ARHGAP44: variants seen among roughly 807,000 people sequenced by gnomAD.
The protein encoded by ARHGAP44 is rho GTPase-activating protein 44.
In ARHGAP44, 43 loss-of-function variants were observed where a neutral mutation model predicts 106.8. That is an observed-to-expected ratio of 0.40 (90% confidence interval 0.32 to 0.52). The LOEUF (loss-of-function observed/expected upper bound fraction) is 0.52, where lower values mean the gene tolerates loss of function less well. Ranked by LOEUF, ARHGAP44 falls within the 20% of genes least tolerant of loss-of-function variation. The pLI is 0.48. For missense variants in ARHGAP44, 866 were observed against 1,050.5 expected (o/e 0.82, Z 2.43); for synonymous variants, 439 against 410.3 (o/e 1.07, Z -0.85).
chr17:12,963,968 A>AT (rs570086813), intron 16 of ARHGAP44, among the ~76,000 whole-genome samples: 4 of 152,120 alleles, frequency 2.6e-5, no homozygotes, highest in East Asian at 1.9e-4. Context: ...GCAATGCTAC[A>AT]TTTTTTTTAA....
chr17:12,944,390 A>G (rs2143022937), intron 10 of ARHGAP44, among the ~76,000 whole-genome samples, 194 bp downstream of exon 10: 1 of 152,284 alleles, frequency 6.6e-6, no homozygotes, highest in Non-Finnish European at 1.5e-5. Flanking sequence ...TCATTTGACA[A>G]GAAGAGAGAA....
intron 16 of ARHGAP44, 140 bp downstream of exon 16, chr17:12,959,037 T>C: frequency 9.5e-7 from 1 of 1,049,662 alleles, no homozygotes; most frequent in East Asian, 2.6e-5. Context: ...AATTAAACTG[T>C]ATCTGCTGTG....
At chr17:12,841,639 C>CACACA (rs1555546108) in intron 1 of ARHGAP44, among the ~76,000 whole-genome samples, 18 of 137,466 alleles carry the variant, frequency 1.3e-4, no homozygotes, top group African/African-American at 5.0e-4. Context: ...CACACACACA[C>CACACA]AAACAAACAA....
chr17:12,817,213 G>A (rs1232234413), intron 1 of ARHGAP44, among the ~76,000 whole-genome samples: 1 of 151,998 alleles, frequency 6.6e-6, no homozygotes, highest in Non-Finnish European at 1.5e-5. Context: ...ATTTAGAACT[G>A]AATGAAAATG....
chr17:12,885,928 A>G (rs1037869194), intron 1 of ARHGAP44, among the ~76,000 whole-genome samples: 2 of 152,138 alleles, frequency 1.3e-5, no homozygotes, highest in Non-Finnish European at 2.9e-5. Flanking sequence ...TCCATTGTCT[A>G]AAGCAAGGTC....
chr17:12,968,803 A>T (rs1348153412), intron 16 of ARHGAP44, among the ~76,000 whole-genome samples: 1 of 143,904 alleles, frequency 6.9e-6, no homozygotes, highest in African/African-American at 2.6e-5. Flanking sequence ...AGAGTCTCAC[A>T]CTGTCGCCCA....
chr17:12,912,542 A>G (rs2037770559), intron 4 of ARHGAP44, among the ~76,000 whole-genome samples: 1 of 152,184 alleles, frequency 6.6e-6, no homozygotes, highest in Non-Finnish European at 1.5e-5. Context: ...CATATTCCGG[A>G]TCTTGAGGAC....
In ARHGAP44 at chr17:12,975,659, G is replaced by A. The variant is rs1358879373; in HGVS notation, c.1763+1349G>A. Among the ~76,000 whole-genome samples, 9 of 151,916 alleles carry A rather than the reference G, an allele frequency of 5.9e-5. 1 individual carries two copies. The highest frequency in any genetic ancestry group is 9.7e-5 in the African/African-American group (4 of 41,442). On this transcript the variant is annotated intron_variant, in intron 18 of 20. Transcript: ENST00000379672. ...TAAAAATACAAAAAATTAGCTGGGC[G>A]TGGTGGCGGGCGCCTGTAGTCCCAG...
intron 1 of ARHGAP44, among the ~76,000 whole-genome samples, chr17:12,803,809 G>A (rs768197992): frequency 6.6e-6 from 1 of 151,994 alleles, no homozygotes; most frequent in East Asian, 1.9e-4. Context: ...GTTTTGTTCT[G>A]TGGGGAAAAA....
intron 20 of ARHGAP44, chr17:12,985,111 GCTT>G (rs2039927745): frequency 1.6e-6 from 1 of 615,952 alleles, no homozygotes; most frequent in South Asian, 2.4e-5. Context: ...CCACACAGGG[GCTT>G]CTTATGGGAT....
intron 5 of ARHGAP44, among the ~76,000 whole-genome samples, chr17:12,916,918 C>G (rs779831333): frequency 6.6e-6 from 1 of 152,124 alleles, no homozygotes; most frequent in Non-Finnish European, 1.5e-5. Context: ...TGAAACAATC[C>G]GAAATCTGAA....
At chr17:12,933,880 G>C in intron 7 of ARHGAP44, among the ~76,000 whole-genome samples, 1 of 147,894 alleles carries the variant, frequency 6.8e-6, no homozygotes, top group Non-Finnish European at 1.5e-5. Flanking sequence ...ACGGTGTCTG[G>C]CTCTGTCGCC....
chr17:12,973,990 C>T, intron 17 of ARHGAP44, 99 bp from the exon 18 acceptor site: 1 of 1,273,808 alleles, frequency 7.9e-7, no homozygotes. Flanking sequence ...AGCTGCGCTG[C>T]TCTTCTCCCA....
At chr17:12,896,369 C>T in intron 2 of ARHGAP44, 38 bp from the exon 3 acceptor site, 1 of 1,542,494 alleles carries the variant, frequency 6.5e-7, no homozygotes, top group Non-Finnish European at 8.8e-7. Flanking sequence ...CCTGACCTTG[C>T]CCTCTCTCAG....
intron 1 of ARHGAP44, among the ~76,000 whole-genome samples, chr17:12,826,720 C>G (rs1347203296): frequency 1.3e-5 from 2 of 152,202 alleles, no homozygotes; most frequent in African/African-American, 4.8e-5. Context: ...CCCACCCTCA[C>G]CATTCCTAGT....
intron 14 of ARHGAP44, among the ~76,000 whole-genome samples, 180 bp downstream of exon 14, chr17:12,956,160 T>A (rs1386326842): frequency 6.6e-6 from 1 of 152,070 alleles, no homozygotes; most frequent in Non-Finnish European, 1.5e-5. Flanking sequence ...TGCAGATCTT[T>A]CTTTTTGTTG....
chr17:12,989,868 A>G (rs55907531), intron 20 of ARHGAP44, among the ~76,000 whole-genome samples, 164 bp from the exon 21 acceptor site: 8,486 of 152,238 alleles, frequency 0.056, 286 homozygotes, highest in African/African-American at 0.091. Context: ...GCATGAGCAC[A>G]ACCTGATCGA....
intron 1 of ARHGAP44, among the ~76,000 whole-genome samples, chr17:12,810,663 T>C (rs919340207): frequency 6.6e-6 from 1 of 152,182 alleles, no homozygotes; most frequent in Non-Finnish European, 1.5e-5. Context: ...GGCTTTCCAG[T>C]TGGTGAGAGC....
intron 16 of ARHGAP44, among the ~76,000 whole-genome samples, chr17:12,968,854 C>T (rs2039457800): frequency 6.6e-6 from 1 of 151,590 alleles, no homozygotes; most frequent in African/African-American, 2.4e-5. Flanking sequence ...ACTGCAAGCT[C>T]CGCCTCCCGG....
Sources: allele counts gnomAD v4.1 joint callset (sites outside exome capture counted in the v4.1 genomes callset), GRCh38; gene constraint gnomAD v4.1.1; transcripts MANE v1.5; gene names NCBI Gene and HGNC (gene_info 2026-07-23, HGNC 2026-07-21).